PEBP4: variants seen among roughly 807,000 people sequenced by gnomAD.
The protein encoded by PEBP4 is phosphatidylethanolamine binding protein 4, also known as phosphatidylethanolamine-binding protein 4.
PEBP4 carries 22 observed loss-of-function variants against 23.9 expected under a neutral mutation model. The observed-to-expected ratio is 0.92, with a 90% CI of 0.66 to 1.31. The LOEUF (loss-of-function observed/expected upper bound fraction) is 1.31, where lower values mean the gene tolerates loss of function less well. PEBP4 is among the 40% of genes most tolerant of loss of function. PEBP4 has a pLI of 0.00. For missense variants in PEBP4, 324 were observed against 281.7 expected (o/e 1.15, Z -1.07); for synonymous variants, 112 against 99.3 (o/e 1.13, Z -0.76).
At chr8:22,845,392 G>A (rs565993488) in intron 3 of PEBP4, among the ~76,000 whole-genome samples, 3 of 151,816 alleles carry the variant, frequency 2.0e-5, no homozygotes, top group Admixed American at 2.0e-4. Context: ...AAAAATTGCT[G>A]GGTGTGGTGG....
chr8:22,889,814 G>A (rs2466182), intron 3 of PEBP4, among the ~76,000 whole-genome samples: 81,146 of 152,126 alleles, frequency 0.53, 22,755 homozygotes, highest in East Asian at 0.81. Context: ...CATGTAATAC[G>A]GTATTTCAGC....
chr8:22,900,949 C>T (rs1338207727), intron 3 of PEBP4, among the ~76,000 whole-genome samples: 1 of 152,104 alleles, frequency 6.6e-6, no homozygotes, highest in African/African-American at 2.4e-5. Flanking sequence ...ATCAGAAGGA[C>T]CATAAGGACA....
intron 2 of PEBP4, among the ~76,000 whole-genome samples, chr8:22,926,016 C>T (rs1373147384): frequency 6.6e-6 from 1 of 152,164 alleles, no homozygotes; most frequent in Non-Finnish European, 1.5e-5. Context: ...TGGTCTGTCG[C>T]CCAGGCTAGA....
intron 4 of PEBP4, among the ~76,000 whole-genome samples, chr8:22,730,966 T>C (rs190965960): frequency 3.7e-4 from 56 of 152,334 alleles, no homozygotes; most frequent in African/African-American, 1.3e-3. Context: ...CTCCTCACTT[T>C]GACCCTGCTG....
At chr8:22,797,900 T>C (rs1806299118) in intron 4 of PEBP4, among the ~76,000 whole-genome samples, 1 of 152,228 alleles carries the variant, frequency 6.6e-6, no homozygotes, top group African/African-American at 2.4e-5. Flanking sequence ...TCAATAGCAA[T>C]GCTCTGGGTA....
At chr8:22,931,013 A>G (rs1055952989), upstream of PEBP4, among the ~76,000 whole-genome samples, 5 of 151,972 alleles carry the variant, frequency 3.3e-5, no homozygotes, top group African/African-American at 1.2e-4. Context: ...GATCTGTTGG[A>G]CCACTGCTGC....
At chr8:22,900,226 A>ATGGGGAAGGGT (rs1273073511) in intron 3 of PEBP4, among the ~76,000 whole-genome samples, 1 of 152,198 alleles carries the variant, frequency 6.6e-6, no homozygotes, top group East Asian at 1.9e-4. Context: ...ACAGTTAAGA[A>ATGGGGAAGGGT]TGGGGAAGGG....
At chr8:22,769,185 G>C (rs1355412123) in intron 4 of PEBP4, among the ~76,000 whole-genome samples, 2 of 152,150 alleles carry the variant, frequency 1.3e-5, no homozygotes, top group African/African-American at 4.8e-5. Flanking sequence ...GCCCCTCAGT[G>C]CCCCCTCAGC....
intron 4 of PEBP4, among the ~76,000 whole-genome samples, chr8:22,802,179 G>A (rs976105573): frequency 1.3e-5 from 2 of 152,160 alleles, no homozygotes; most frequent in Non-Finnish European, 2.9e-5. Flanking sequence ...GGAGGAGGGT[G>A]TTGCTCTCTC....
upstream of PEBP4, among the ~76,000 whole-genome samples, chr8:22,928,129 C>T (rs540839216): frequency 2.0e-5 from 3 of 152,364 alleles, no homozygotes; most frequent in South Asian, 6.2e-4. Flanking sequence ...TGCTCCTTGG[C>T]TGTAAGGCAA....
chr8:22,864,880 C>T (rs917646707), intron 3 of PEBP4, among the ~76,000 whole-genome samples: 6 of 152,192 alleles, frequency 3.9e-5, no homozygotes, highest in Admixed American at 6.5e-5. Flanking sequence ...TGACCCGCAG[C>T]GCACCCCATC....
chr8:22,814,513 C>T (rs929478309), intron 4 of PEBP4, among the ~76,000 whole-genome samples: 1 of 152,170 alleles, frequency 6.6e-6, no homozygotes, highest in African/African-American at 2.4e-5. Flanking sequence ...CCTAAAAACT[C>T]GTTGCTGTCC....
chr8:22,713,546 C>G lies in PEBP4; in HGVS notation c.518-10G>C. 1 of 1,614,132 alleles carries G rather than the reference C, an allele frequency of 6.2e-7. No homozygotes were observed. The highest frequency in any genetic ancestry group is 1.1e-5 in the South Asian group (1 of 91,086). The stretch of plus-strand genomic sequence containing the variant: ...TCCATTTTCCAAGAGCCTGGAAGGA[C>G]AAACAGACCACAGGGAGGCAGTGAG... On this transcript the variant is annotated splice_polypyrimidine_tract_variant and intron_variant, in intron 6 of 6. Coordinates refer to ENST00000256404, the MANE Select transcript of PEBP4 (RefSeq NM_144962.3).
intron 4 of PEBP4, among the ~76,000 whole-genome samples, chr8:22,802,534 C>T (rs1806407041): frequency 6.6e-6 from 1 of 152,236 alleles, no homozygotes; most frequent in South Asian, 2.1e-4. Flanking sequence ...GCAACACTGA[C>T]CTGACACTGG....
chr8:22,930,205 C>T (rs1443662034), upstream of PEBP4, among the ~76,000 whole-genome samples: 1 of 152,176 alleles, frequency 6.6e-6, no homozygotes, highest in Non-Finnish European at 1.5e-5. Context: ...CTGGCGGGTT[C>T]CTCAAGCTCC....
At chr8:22,886,464 C>T (rs1389747580) in intron 3 of PEBP4, 1 of 152,250 alleles carries the variant, frequency 6.6e-6, no homozygotes, top group Admixed American at 6.5e-5. Flanking sequence ...AAAACAATGC[C>T]TGTCTCATGG....
At chr8:22,914,097 C>T (rs1482518820) in intron 3 of PEBP4, among the ~76,000 whole-genome samples, 1 of 151,404 alleles carries the variant, frequency 6.6e-6, no homozygotes, top group Admixed American at 6.6e-5. Flanking sequence ...AAGTGATTCT[C>T]CTATCTCAGC....
chr8:22,821,427 G>A (rs141516439), intron 3 of PEBP4, among the ~76,000 whole-genome samples: 12 of 152,288 alleles, frequency 7.9e-5, no homozygotes, highest in African/African-American at 1.7e-4. Context: ...AAGCCAGGAC[G>A]ACTCTGAGAT....
Position 22,865,951 on chromosome 8 carries a change from G to A in PEBP4, c.259-48216C>T, listed in dbSNP as rs1433978202. 6.6e-6 allele frequency among the ~76,000 whole-genome samples: 1 copy of A among 151,886 alleles called. No homozygotes were observed. The highest frequency in any genetic ancestry group is 2.0e-4 in the East Asian group (1 of 5,106). ...GAGGTGTGGCCCGGCGCCGGGCGGT[G>A]CTGCCCGGAGAGCGCGCAGCCCCCA... On this transcript the variant is annotated intron_variant, in intron 3 of 6. Coordinates refer to ENST00000256404, the MANE Select transcript of PEBP4 (RefSeq NM_144962.3). This position sits in a 1 kb window ranked among gnomAD's most constrained non-coding sequence, Gnocchi z 6.9.
Sources: gnomAD v4.1 joint callset for allele counts (sites outside exome capture counted in the v4.1 genomes callset) on GRCh38, gnomAD v4.1.1 for gene constraint, Gnocchi (gnomAD v3.1) non-coding constraint, MANE v1.5 for transcripts, NCBI Gene and HGNC (gene_info 2026-07-23, HGNC 2026-07-21) for gene names.